ARHGEF4: variants seen among roughly 807,000 people sequenced by gnomAD.
ARHGEF4 encodes the protein APC-stimulated guanine nucleotide exchange factor 1.
In ARHGEF4, 119 loss-of-function variants were observed where a neutral mutation model predicts 162.0. That is an observed-to-expected ratio of 0.73 (90% CI 0.63 to 0.86). ARHGEF4 has a LOEUF of 0.86. ARHGEF4 is among the 40% of genes least tolerant of loss of function. The pLI is 0.00. For synonymous variants in ARHGEF4, 1,014 were observed against 979.9 expected (o/e 1.03, Z -0.65); for missense variants, 2,488 against 2,456.0 (o/e 1.01, Z -0.28).
intron 4 of ARHGEF4, among the ~76,000 whole-genome samples, chr2:130,997,588 G>A (rs1473716016): frequency 2.0e-5 from 3 of 152,268 alleles, no homozygotes; most frequent in East Asian, 3.9e-4. Flanking sequence ...GTGCGCCGCG[G>A]ATTTTGGCAA....
At position 131,034,442 on chromosome 2, in the gene ARHGEF4, C is replaced by G. The variant is rs139789528; in HGVS notation, c.4126-4411C>G. ...TGGACGCCTGGCTTTTCCAAAGGAA[C>G]ACAATGCTGCTCGGACGCTGCGGTC... On this transcript the variant is annotated intron_variant, in intron 5 of 13. Coordinates refer to ENST00000409359, the MANE Select transcript of ARHGEF4 (RefSeq NM_001367493.1). Among the ~76,000 whole-genome samples the G allele has an allele frequency of 7.2e-5, 11 of 152,334 alleles. No homozygotes were observed. In the East Asian group the frequency reaches 2.1e-3, roughly 29 times the overall value.
intron 3 of ARHGEF4, among the ~76,000 whole-genome samples, chr2:130,944,129 G>A (rs1056783948): frequency 2.0e-5 from 3 of 152,156 alleles, no homozygotes; most frequent in Non-Finnish European, 4.4e-5. Flanking sequence ...TGGCCTCCAT[G>A]AAAAATCTGC....
At chr2:130,837,784 G>C (rs1189003220) in intron 1 of ARHGEF4, 2 of 297,058 alleles carry the variant, frequency 6.7e-6, no homozygotes, top group Non-Finnish European at 1.3e-5. Flanking sequence ...TGCATGAAAG[G>C]AGAGGCGGGG....
At chr2:130,899,589 G>C (rs767430091) in intron 1 of ARHGEF4, among the ~76,000 whole-genome samples, 1 of 152,226 alleles carries the variant, frequency 6.6e-6, no homozygotes, top group Non-Finnish European at 1.5e-5. Flanking sequence ...GAAGGCAGAC[G>C]GGAGAGCCGC....
intron 1 of ARHGEF4, among the ~76,000 whole-genome samples, chr2:130,897,203 C>T (rs972721635): frequency 1.5e-4 from 23 of 152,158 alleles, no homozygotes; most frequent in African/African-American, 4.6e-4. Context: ...AATGTACGTG[C>T]CCTCACCTCC....
chr2:130,924,881 G>C (rs990490664), intron 2 of ARHGEF4, among the ~76,000 whole-genome samples: 2 of 152,146 alleles, frequency 1.3e-5, no homozygotes, highest in African/African-American at 2.4e-5. Context: ...CAGTTTCCTT[G>C]TCTATCAAGG....
In ARHGEF4 at chr2:130,989,363, C is replaced by T. The variant is rs373616151; in HGVS notation, c.3986-38582C>T. Among the ~76,000 whole-genome samples, 245 of 152,276 alleles carry T rather than the reference C, an allele frequency of 1.6e-3. 1 individual carries two copies. Among genetic ancestry groups the T allele is most frequent in the African/African-American group, 5.6e-3 (232 of 41,548 alleles). ...GATATAAATTTGAATGAGATTTTGA[C>T]TGTAGTTTTTTTAACCATGTGCTTT... is the stretch of plus-strand genomic sequence containing the variant. On this transcript the variant is annotated intron_variant, in intron 4 of 13. Transcript: ENST00000409359.
At chr2:131,042,594 A>T (rs1276632650) in intron 10 of ARHGEF4, among the ~76,000 whole-genome samples, 1 of 152,214 alleles carries the variant, frequency 6.6e-6, no homozygotes, top group Non-Finnish European at 1.5e-5. Flanking sequence ...GCCACAGAAC[A>T]TTATGAAAAT....
intron 1 of ARHGEF4, among the ~76,000 whole-genome samples, chr2:130,844,616 T>G (rs2104861932): frequency 6.6e-6 from 1 of 152,244 alleles, no homozygotes. Flanking sequence ...CCAGGGTCCC[T>G]TTGTGATGGT....
intron 2 of ARHGEF4, among the ~76,000 whole-genome samples, chr2:130,926,730 A>G (rs1443961428): frequency 6.6e-6 from 1 of 151,672 alleles, no homozygotes; most frequent in Non-Finnish European, 1.5e-5. Context: ...TTAAAGAAAG[A>G]GGAAAGAAAC....
At chr2:130,941,032 A>G (rs899708221) in intron 3 of ARHGEF4, among the ~76,000 whole-genome samples, 5 of 151,946 alleles carry the variant, frequency 3.3e-5, no homozygotes, top group Non-Finnish European at 5.9e-5. Context: ...GATTTTTAAC[A>G]TAAAAATGGC....
At chr2:131,036,650 G>A (rs1385359101) in intron 5 of ARHGEF4, among the ~76,000 whole-genome samples, 1 of 152,188 alleles carries the variant, frequency 6.6e-6, no homozygotes, top group Non-Finnish European at 1.5e-5. Context: ...GGGGGCACCA[G>A]GCTTCTGCTC....
chr2:130,883,898 A>G (rs1026892), intron 1 of ARHGEF4, among the ~76,000 whole-genome samples: 17,840 of 152,168 alleles, frequency 0.12, 1,213 homozygotes, highest in South Asian at 0.18. Context: ...CTCCTCATCT[A>G]TAAAATATGG....
intron 1 of ARHGEF4, among the ~76,000 whole-genome samples, chr2:130,878,382 T>G (rs751602611): frequency 2.0e-5 from 3 of 152,292 alleles, no homozygotes; most frequent in South Asian, 2.1e-4. Context: ...ACAAAGGATT[T>G]TATTACTCAC....
chr2:130,842,310 C>A (rs1293685916), intron 1 of ARHGEF4, among the ~76,000 whole-genome samples: 1 of 152,168 alleles, frequency 6.6e-6, no homozygotes, highest in Non-Finnish European at 1.5e-5. Flanking sequence ...GACTGTCACT[C>A]AAGGAGCAAG....
intron 1 of ARHGEF4, among the ~76,000 whole-genome samples, chr2:130,881,917 G>T (rs1007447032): frequency 6.6e-6 from 1 of 152,062 alleles, no homozygotes; most frequent in East Asian, 1.9e-4. Flanking sequence ...TGGCAAAACA[G>T]GTACCCCCTC....
chr2:130,976,234 C>T (rs1213723648), intron 4 of ARHGEF4, among the ~76,000 whole-genome samples: 1 of 152,018 alleles, frequency 6.6e-6, no homozygotes. Flanking sequence ...AAAAGGGATC[C>T]ATGAGTCAGA....
At chr2:130,961,706 A>C (rs1312075570) in intron 4 of ARHGEF4, among the ~76,000 whole-genome samples, 1 of 152,062 alleles carries the variant, frequency 6.6e-6, no homozygotes, top group Non-Finnish European at 1.5e-5. Context: ...GCAATGGAGT[A>C]AGAGAGAAAC....
chr2:130,940,891 A>T (rs958206853), intron 3 of ARHGEF4, among the ~76,000 whole-genome samples: 1 of 151,082 alleles, frequency 6.6e-6, no homozygotes, highest in Admixed American at 6.6e-5. Flanking sequence ...GGAAGTAGTG[A>T]GCAGGTGCCT....
Sources: allele counts gnomAD v4.1 joint callset (sites outside exome capture counted in the v4.1 genomes callset), GRCh38; gene constraint gnomAD v4.1.1; transcripts MANE v1.5; gene names NCBI Gene and HGNC (gene_info 2026-07-23, HGNC 2026-07-21).